RSRC1: variants seen among roughly 807,000 people sequenced by gnomAD.
RSRC1 encodes the protein serine/Arginine-related protein 53.
A neutral mutation model predicts 49.1 loss-of-function variants in RSRC1; 39 were observed. That is an observed-to-expected ratio of 0.79 (90% CI 0.61 to 1.04). The LOEUF is 1.04. RSRC1 is among the 50% of genes least tolerant of loss of function. The pLI is 0.00. For synonymous variants in RSRC1, 143 were observed against 130.8 expected (o/e 1.09, Z -0.63); for missense variants, 388 against 402.4 (o/e 0.96, Z 0.31).
intron 5 of RSRC1, among the ~76,000 whole-genome samples, chr3:158,354,601 G>C (rs892632594): frequency 3.9e-5 from 6 of 152,046 alleles, no homozygotes; most frequent in Admixed American, 2.0e-4. Context: ...TTAAATTTCA[G>C]TTAATTATGT....
chr3:158,216,214 G>A (rs1001241289), intron 4 of RSRC1, among the ~76,000 whole-genome samples: 1 of 150,902 alleles, frequency 6.6e-6, no homozygotes, highest in Admixed American at 6.6e-5. Context: ...TCTCAATTTT[G>A]TTTTAGAAGT....
At chr3:158,280,823 T>C (rs1275066013) in intron 4 of RSRC1, among the ~76,000 whole-genome samples, 1 of 151,952 alleles carries the variant, frequency 6.6e-6, no homozygotes, top group East Asian at 1.9e-4. Flanking sequence ...ATTTTTTGTA[T>C]TTTAGTAGAG....
chr3:158,244,157 C>T (rs566126823), intron 4 of RSRC1, among the ~76,000 whole-genome samples: 47 of 152,178 alleles, frequency 3.1e-4, no homozygotes, highest in Non-Finnish European at 6.0e-4. Flanking sequence ...ACTTCCAATA[C>T]TATGTTGAAT....
intron 7 of RSRC1, among the ~76,000 whole-genome samples, chr3:158,489,243 G>A (rs1365583089): frequency 6.6e-6 from 1 of 152,158 alleles, no homozygotes; most frequent in Non-Finnish European, 1.5e-5. Context: ...CTATGTGAAT[G>A]GGAAGGCTTT....
rs529692267 is a variant in RSRC1 at position 158,482,807 on chromosome 3, T to C, written c.652+21804T>C. ...AAAATGTTTTTATTTCTCTACTTTA[T>C]AGTTATGGTGTCCCTACATTATTTT... On this transcript the variant is annotated intron_variant, in intron 7 of 9. Coordinates refer to ENST00000611884, the MANE Select transcript of RSRC1 (RefSeq NM_001271838.2). Among the ~76,000 whole-genome samples the C allele has an allele frequency of 1.2e-4, 19 of 152,178 alleles. No homozygotes were observed. The South Asian group carries it at 2.9e-3, about 23-fold the overall frequency.
chr3:158,287,297 ATTAT>A (rs1371501159), intron 4 of RSRC1, among the ~76,000 whole-genome samples: 2 of 152,164 alleles, frequency 1.3e-5, no homozygotes, highest in African/African-American at 2.4e-5. Context: ...TTACATTTAG[ATTAT>A]TTATAATTGT....
intron 4 of RSRC1, among the ~76,000 whole-genome samples, chr3:158,223,398 ATAT>A (rs1199266675): frequency 6.6e-6 from 1 of 151,710 alleles, no homozygotes; most frequent in African/African-American, 2.4e-5. Context: ...AAAATCAAAG[ATAT>A]TATGTAGGTA....
At chr3:158,356,458 TA>T (rs1217527510) in intron 6 of RSRC1, among the ~76,000 whole-genome samples, 4 of 152,218 alleles carry the variant, frequency 2.6e-5, no homozygotes, top group Admixed American at 2.6e-4. Context: ...ACCATGTAGG[TA>T]AAAAGATTGG....
intron 4 of RSRC1, among the ~76,000 whole-genome samples, chr3:158,282,450 GT>G (rs1726240286): frequency 6.6e-6 from 1 of 152,112 alleles, no homozygotes; most frequent in Non-Finnish European, 1.5e-5. Flanking sequence ...CAGTGGCTTT[GT>G]TTTTTCTGAT....
chr3:158,257,093 G>A (rs1337921579), intron 4 of RSRC1, among the ~76,000 whole-genome samples: 1 of 152,038 alleles, frequency 6.6e-6, no homozygotes, highest in Non-Finnish European at 1.5e-5. Context: ...TCTGATCTTA[G>A]TTATTTCTTG....
chr3:158,429,854 A>G (rs1361349786), intron 6 of RSRC1, among the ~76,000 whole-genome samples: 5 of 151,648 alleles, frequency 3.3e-5, no homozygotes, highest in Non-Finnish European at 7.4e-5. Flanking sequence ...GAGGAGTGAA[A>G]TGGTGGTTAC....
chr3:158,303,561 A>G (rs892846256), intron 5 of RSRC1: 2 of 152,190 alleles, frequency 1.3e-5, no homozygotes, highest in African/African-American at 4.8e-5. Context: ...CATTTCAACA[A>G]GCTCCTAAGC....
intron 4 of RSRC1, among the ~76,000 whole-genome samples, chr3:158,229,274 GTA>G (rs1722778019): frequency 1.0e-5 from 1 of 95,448 alleles, no homozygotes; most frequent in African/African-American, 4.2e-5. Flanking sequence ...GTGTATGTAT[GTA>G]TATAAACATA....
chr3:158,132,658 G>A (rs1609525), intron 3 of RSRC1, among the ~76,000 whole-genome samples: 108,250 of 152,106 alleles, frequency 0.71, 39,257 homozygotes, highest in African/African-American at 0.83. Context: ...AGTAGTAAAT[G>A]TCTGAGAATC....
intron 4 of RSRC1, among the ~76,000 whole-genome samples, chr3:158,222,671 T>C (rs187666401): frequency 2.6e-4 from 40 of 151,740 alleles, no homozygotes; most frequent in African/African-American, 9.6e-4. Flanking sequence ...TGTTTGACCA[T>C]TAAATATACC....
intron 6 of RSRC1, among the ~76,000 whole-genome samples, chr3:158,358,249 T>A (rs1578382937): frequency 1.3e-5 from 2 of 152,358 alleles, no homozygotes; most frequent in East Asian, 3.9e-4. Context: ...GGTTCAAAAC[T>A]TTGAACATTT....
At chr3:158,353,187 A>G (rs1451263539) in intron 5 of RSRC1, among the ~76,000 whole-genome samples, 1 of 152,132 alleles carries the variant, frequency 6.6e-6, no homozygotes, top group African/African-American at 2.4e-5. Context: ...CTCACCTGGA[A>G]TTCATTAATT....
intron 3 of RSRC1, among the ~76,000 whole-genome samples, chr3:158,167,307 T>C (rs1027572219): frequency 1.3e-5 from 2 of 152,048 alleles, no homozygotes; most frequent in South Asian, 2.1e-4. Context: ...CCACCTCAGC[T>C]TCCTGAGTAG....
intron 5 of RSRC1, among the ~76,000 whole-genome samples, chr3:158,324,093 A>C (rs1305917695): frequency 1.3e-5 from 2 of 152,212 alleles, no homozygotes; most frequent in African/African-American, 4.8e-5. Flanking sequence ...AGATTTTGAT[A>C]CAGCTACATT....
Sources: gnomAD v4.1 joint callset for allele counts (sites outside exome capture counted in the v4.1 genomes callset) on GRCh38, gnomAD v4.1.1 for gene constraint, MANE v1.5 for transcripts, NCBI Gene and HGNC (gene_info 2026-07-23, HGNC 2026-07-21) for gene names.